RBFOX1: variants seen among roughly 807,000 people sequenced by gnomAD.
RBFOX1 encodes RNA binding protein fox-1 homolog 1.
In RBFOX1, 8 loss-of-function variants were observed where a neutral mutation model predicts 57.7. That is an observed-to-expected ratio of 0.14 (90% CI 0.08 to 0.25). The LOEUF is 0.25. Ranked by LOEUF, RBFOX1 falls within the 10% of genes least tolerant of loss-of-function variation. RBFOX1 has a pLI of 1.00. For synonymous variants in RBFOX1, 326 were observed against 222.4 expected (o/e 1.47, Z -4.15); for missense variants, 611 against 548.5 (o/e 1.11, Z -1.14).
At chr16:6,315,707 T>C (rs533045738) in intron 1 of RBFOX1, among the ~76,000 whole-genome samples, 1 of 152,308 alleles carries the variant, frequency 6.6e-6, no homozygotes, top group Non-Finnish European at 1.5e-5. Context: ...AGCAAAAGGC[T>C]ATTGAAGGGT....
At position 6,556,668 on chromosome 16, in the gene RBFOX1, G is replaced by A. The variant is rs147777102; in HGVS notation, c.-63-97935G>A. Among the ~76,000 whole-genome samples the A allele has an allele frequency of 1.1e-4, 17 of 152,232 alleles. No individual in the cohort carries two copies. In the East Asian group the frequency reaches 3.3e-3, roughly 29 times the overall value. ...GATGCCACAGTGCCATGGCCAAATT[G>A]TTTTGTTATAATCACATGATATAGA... On this transcript the variant is annotated intron_variant, in intron 2 of 15. Transcript: ENST00000550418.
At chr16:6,457,448 C>CCCCG (rs1555484699) in intron 2 of RBFOX1, among the ~76,000 whole-genome samples, 5 of 148,172 alleles carry the variant, frequency 3.4e-5, no homozygotes, top group Non-Finnish European at 6.1e-5. Flanking sequence ...TCCCCCCCCC[C>CCCCG]GCAATAGCTT....
intron 5 of RBFOX1, among the ~76,000 whole-genome samples, chr16:7,575,969 C>G (rs1026305388): frequency 6.6e-6 from 1 of 151,914 alleles, no homozygotes; most frequent in East Asian, 1.9e-4. Context: ...AGTCTTGCTC[C>G]ATTGCCCAGG....
intron 2 of RBFOX1, among the ~76,000 whole-genome samples, chr16:5,556,768 GAAAAC>G (rs138486849): frequency 0.042 from 6,400 of 152,240 alleles, 170 homozygotes; most frequent in East Asian, 0.1. Flanking sequence ...AAGATGCCAC[GAAAAC>G]AAAACAAAAC....
At chr16:5,819,354 C>T (rs1436882364) in intron 3 of RBFOX1, among the ~76,000 whole-genome samples, 1 of 152,166 alleles carries the variant, frequency 6.6e-6, no homozygotes, top group Non-Finnish European at 1.5e-5. Flanking sequence ...GGCCTCACCT[C>T]TTTTAGGGGA....
chr16:6,954,349 C>A lies in RBFOX1; in HGVS notation c.-15-97708C>A, dbSNP rs79747784. 4.3e-3 allele frequency among the ~76,000 whole-genome samples: 661 copies of A among 152,208 alleles called. 7 individuals are homozygous for A. In the East Asian group the frequency reaches 0.05, roughly 12 times the overall value. On this transcript the variant is annotated intron_variant, in intron 3 of 15. Transcript: ENST00000550418. The stretch of plus-strand genomic sequence containing the variant: ...GGTCTGAGGAGTTGATTTATAGTTA[C>A]AATAACGGTCTTCCATCCATTAGTA...
intron 3 of RBFOX1, among the ~76,000 whole-genome samples, chr16:5,779,101 A>T (rs991813030): frequency 2.0e-5 from 3 of 152,156 alleles, no homozygotes; most frequent in Admixed American, 1.3e-4. Flanking sequence ...GTGATCATGA[A>T]CTCAAAATAT....
intron 2 of RBFOX1, among the ~76,000 whole-genome samples, chr16:6,404,360 A>C (rs1483561557): frequency 6.6e-6 from 1 of 152,078 alleles, no homozygotes; most frequent in East Asian, 1.9e-4. Flanking sequence ...GTATCTGTGG[A>C]GGGTCTTAGA....
chr16:7,315,489 T>C (rs2096417138), intron 4 of RBFOX1, among the ~76,000 whole-genome samples: 1 of 151,534 alleles, frequency 6.6e-6, no homozygotes, highest in South Asian at 2.1e-4. Flanking sequence ...TTGAATTTCT[T>C]TTACAAATGT....
chr16:6,356,529 T>G lies in RBFOX1; in HGVS notation c.-64+39472T>G, dbSNP rs144199878. On this transcript the variant is annotated intron_variant, in intron 2 of 15. Coordinates refer to ENST00000550418, the MANE Select transcript of RBFOX1 (RefSeq NM_018723.4). Reference sequence around the variant, plus strand: ...TAATTCCAGTCTGATTATGAGGAAATAAACATCAGATCAATTCAAAATTGG... The same window carrying G: ...TAATTCCAGTCTGATTATGAGGAAAGAAACATCAGATCAATTCAAAATTGG... Among the ~76,000 whole-genome samples the G allele has an allele frequency of 7.0e-4, 106 of 152,278 alleles. 1 individual carries two copies. The East Asian group carries it at 0.018, about 26-fold the overall frequency.
intron 2 of RBFOX1, among the ~76,000 whole-genome samples, chr16:5,521,595 G>A (rs2044018068): frequency 6.6e-6 from 1 of 152,080 alleles, no homozygotes; most frequent in South Asian, 2.1e-4. Context: ...AGAGTCACAG[G>A]GGACAGGTGG....
At chr16:5,790,471 A>G (rs1451486733) in intron 3 of RBFOX1, among the ~76,000 whole-genome samples, 1 of 151,966 alleles carries the variant, frequency 6.6e-6, no homozygotes, top group Non-Finnish European at 1.5e-5. Context: ...AATTGCTGCA[A>G]TACAACTGTT....
intron 3 of RBFOX1, among the ~76,000 whole-genome samples, chr16:6,767,944 T>TAAG (rs1328651970): frequency 0.02 from 1,730 of 86,326 alleles, 10 homozygotes; most frequent in Middle Eastern, 0.054. Context: ...ATAATAATAA[T>TAAG]AATAAGAAGA....
chr16:5,959,896 G>A lies in RBFOX1; in HGVS notation c.351+92561G>A, dbSNP rs538758587. Among the ~76,000 whole-genome samples, 8 of 152,294 alleles carry A rather than the reference G, an allele frequency of 5.3e-5. No homozygotes were observed. In the South Asian group the frequency reaches 1.7e-3, roughly 32 times the overall value. ...TCTCCCCATCCAGCTACCAACAAGT[G>A]TTTTTGAATAAGAGGAACCCTAGGC... On this transcript the variant is annotated intron_variant, in intron 4 of 19. Transcript: ENST00000641259.
intron 3 of RBFOX1, among the ~76,000 whole-genome samples, chr16:5,701,985 A>C (rs2051065295): frequency 6.6e-6 from 1 of 152,178 alleles, no homozygotes; most frequent in African/African-American, 2.4e-5. Context: ...CAGTGTCTAG[A>C]AGAATGCCTG....
intron 4 of RBFOX1, among the ~76,000 whole-genome samples, chr16:7,501,457 C>G (rs367968027): frequency 1.3e-5 from 2 of 152,320 alleles, no homozygotes; most frequent in South Asian, 4.1e-4. Context: ...GCTTGCCATT[C>G]CAATAGTGCT....
rs532992871 is a variant in RBFOX1, at chr16:6,486,980, G to T, written c.-63-167623G>T. Among the ~76,000 whole-genome samples, 8 of 152,126 alleles carry T rather than the reference G, an allele frequency of 5.3e-5. No individual in the cohort carries two copies. The East Asian group carries it at 1.5e-3, about 29-fold the overall frequency. The stretch of plus-strand genomic sequence containing the variant: ...CACGGCACCAAGAGAAAGATAAAAC[G>T]CCTTTAAAAGTCAGCATTTAATATA... On this transcript the variant is annotated intron_variant, in intron 2 of 15. Transcript: ENST00000550418.
At chr16:6,561,446 G>T (rs902721679) in intron 2 of RBFOX1, among the ~76,000 whole-genome samples, 2 of 152,130 alleles carry the variant, frequency 1.3e-5, no homozygotes, top group African/African-American at 4.8e-5. Flanking sequence ...TACCCAATAG[G>T]CTGTAACAGT....
chr16:7,266,363 T>G (rs1468142020), intron 4 of RBFOX1, among the ~76,000 whole-genome samples: 1 of 152,166 alleles, frequency 6.6e-6, no homozygotes, highest in Non-Finnish European at 1.5e-5. Flanking sequence ...ATGCTTCTGC[T>G]CTTTCCTCAC....
Sources: allele counts gnomAD v4.1 joint callset (sites outside exome capture counted in the v4.1 genomes callset), GRCh38; gene constraint gnomAD v4.1.1; transcripts MANE v1.5; gene names NCBI Gene and HGNC (gene_info 2026-07-23, HGNC 2026-07-21).